Variants in ASB11 observed in about 807,000 individuals in gnomAD.
ASB11 encodes ankyrin repeat and SOCS box protein 11.
A neutral mutation model predicts 20.1 loss-of-function variants in ASB11; 17 were observed. That is an observed-to-expected ratio of 0.85 (90% CI 0.58 to 1.27). The LOEUF is 1.27. Among genes scored for constraint, ASB11 ranks in the 50% most tolerant of loss-of-function variants. The pLI, the probability that ASB11 is intolerant of heterozygous loss-of-function variation, is 0.00. For synonymous variants in ASB11, 107 were observed against 105.6 expected (o/e 1.01, Z -0.08); for missense variants, 259 against 256.9 (o/e 1.01, Z -0.06).
At chrX:15,308,897 G>GGTGA (rs976589798) in intron 1 of ASB11, among the ~76,000 whole-genome samples, 1 of 111,337 alleles carries the variant, frequency 9.0e-6, no homozygotes, top group Non-Finnish European at 1.9e-5. Flanking sequence ...GTGAGCAGCA[G>GGTGA]GTGAGCAAGT....
chrX:15,313,778 G>A lies in ASB11; in HGVS notation c.181+1647C>T, dbSNP rs957097092. On this transcript the variant is annotated intron_variant, in intron 1 of 6. Coordinates refer to ENST00000480796, the MANE Select transcript of ASB11 (RefSeq NM_080873.3). The stretch of plus-strand genomic sequence containing the variant: ...TTTAAGAGTGCACTTGAGGCCGGGC[G>A]CGGTGGCTCACGCCTGTAATCCCAG... Among the ~76,000 whole-genome samples the A allele has an allele frequency of 7.2e-5, 8 of 111,162 alleles. No homozygotes were observed. The South Asian group carries it at 1.5e-3, about 21-fold the overall frequency.
intron 4 of ASB11, 74 bp from the exon 5 acceptor site, chrX:15,289,712 C>G: frequency 9.1e-7 from 1 of 1,100,962 alleles, no homozygotes; most frequent in Non-Finnish European, 1.2e-6. Context: ...GATTGCTTAT[C>G]TGAAATGGGC....
intron 1 of ASB11, among the ~76,000 whole-genome samples, chrX:15,308,084 A>T (rs1043940198): frequency 1.8e-5 from 2 of 111,284 alleles, no homozygotes; most frequent in Admixed American, 9.5e-5. Flanking sequence ...GTGCCTTGGG[A>T]GTGGGGAGAA....
chrX:15,283,581 A>G lies in ASB11; in HGVS notation c.896T>C (p.Leu299Pro), dbSNP rs1315243224. 8.3e-7 allele frequency: 1 copy of G among 1,210,266 alleles called. No individual in the cohort carries two copies. The highest frequency in any genetic ancestry group is 2.3e-4 in the Middle Eastern group (1 of 4,351). ...GATGGCTTGATGACATGCTCGACCGAGACACTTCCGGACACACAGGCGGCA... is the reference window on the plus strand; with the variant it reads ...GATGGCTTGATGACATGCTCGACCGGGACACTTCCGGACACACAGGCGGCA... ...QLCRLCVRKC[L>P]GRACHQAIHK... The change falls in exon 7 of 7, where the codon CTC (leucine) becomes CCC (proline). Residue 299 changes from leucine (L) to proline (P), a missense_variant. Coordinates refer to ENST00000480796, the MANE Select transcript of ASB11 (RefSeq NM_080873.3).
rs201659261 is a variant in ASB11 at position 15,314,329 on chromosome X, C to CTTT, written c.181+1093_181+1095dup. ...AACTTGAAACTTATCAGAAGCATTA[C>CTTT]TTTTTTTTTTTTTTTTTGTAACTAG... On this transcript the variant is annotated intron_variant, in intron 1 of 6. Coordinates refer to ENST00000480796, the MANE Select transcript of ASB11 (RefSeq NM_080873.3). 7.3e-4 allele frequency: 703 copies of CTTT among 961,951 alleles called. 3 individuals are homozygous for CTTT. The African/African-American group carries it at 0.012, about 17-fold the overall frequency. The allele number at this position is 961,951 out of a possible 1,213,427, so 79.3% of individuals were successfully genotyped here. A position where few individuals can be genotyped will look rare whatever the true frequency, so the allele number is the denominator to read the frequency against.
chrX:15,304,198 G>T (rs1388018514), intron 1 of ASB11, among the ~76,000 whole-genome samples: 1 of 112,431 alleles, frequency 8.9e-6, no homozygotes, highest in Non-Finnish European at 1.9e-5. Context: ...AGCAAAAATG[G>T]AATTGTGTGA....
chrX:15,284,846 C>CA (rs1461582506), intron 6 of ASB11, among the ~76,000 whole-genome samples: 5 of 111,931 alleles, frequency 4.5e-5, no homozygotes, highest in African/African-American at 1.6e-4. Context: ...TTTTCCTTTT[C>CA]AAAAAAATCC....
intron 1 of ASB11, among the ~76,000 whole-genome samples, chrX:15,314,715 A>G (rs1921558304): frequency 9.2e-6 from 1 of 108,792 alleles, no homozygotes; most frequent in Non-Finnish European, 1.9e-5. Flanking sequence ...ATACTCCTCT[A>G]TTAAGTGACA....
rs561464890 is a variant in ASB11 at position 15,284,207 on chromosome X, G to A, written c.848-578C>T. ...GCGGAGCTTGCAGTGAGCCGAGATCGGGCCACTGCACTCCAGCCTGGGCGA... is the reference window on the plus strand; with the variant it reads ...GCGGAGCTTGCAGTGAGCCGAGATCAGGCCACTGCACTCCAGCCTGGGCGA... On this transcript the variant is annotated intron_variant, in intron 6 of 6. Transcript: ENST00000480796. Among the ~76,000 whole-genome samples the A allele has an allele frequency of 6.3e-3, 654 of 103,350 alleles. 2 individuals carry two copies. Among genetic ancestry groups the A allele is most frequent in the Non-Finnish European group, 9.2e-3 (465 of 50,673 alleles). The allele number at this position is 103,350 out of a possible 115,157, so 89.7% of individuals were successfully genotyped here.
chrX:15,313,975 C>T (rs766419156), intron 1 of ASB11, among the ~76,000 whole-genome samples: 26 of 103,191 alleles, frequency 2.5e-4, no homozygotes, highest in South Asian at 1.8e-3. Flanking sequence ...TTGCTTCAAC[C>T]GGGACCTGGG....
intron 6 of ASB11, among the ~76,000 whole-genome samples, chrX:15,284,078 C>T (rs1401565749): frequency 1.9e-5 from 2 of 105,734 alleles, no homozygotes; most frequent in Non-Finnish European, 3.9e-5. Context: ...CGGTGAAACC[C>T]CGTGTCCACT....
intron 1 of ASB11, among the ~76,000 whole-genome samples, chrX:15,309,763 C>T (rs1378189552): frequency 1.8e-5 from 2 of 108,583 alleles, no homozygotes; most frequent in Admixed American, 9.9e-5. Flanking sequence ...GTCAGGAGAT[C>T]GAGACCATCC....
At chrX:15,284,019 A>G (rs112443803) in intron 6 of ASB11, among the ~76,000 whole-genome samples, 2,667 of 109,749 alleles carry the variant, frequency 0.024, 56 homozygotes, top group African/African-American at 0.064. Flanking sequence ...TTGGGAGGCC[A>G]AGGTGGGCGG....
At chrX:15,295,584 G>A (rs188910762) in intron 3 of ASB11, among the ~76,000 whole-genome samples, 16,291 of 111,073 alleles carry the variant, frequency 0.15, 1,152 homozygotes, top group Non-Finnish European at 0.2. Context: ...CCAGAGGGAA[G>A]AACATGATAA....
At chrX:15,312,425 A>AAAAC (rs1921461315) in intron 1 of ASB11, among the ~76,000 whole-genome samples, 2 of 105,866 alleles carry the variant, frequency 1.9e-5, no homozygotes, top group Non-Finnish European at 3.9e-5. Context: ...CACAAAAAAA[A>AAAAC]AAAAAAAAAA....
chrX:15,309,383 G>C (rs1283092071), intron 1 of ASB11, among the ~76,000 whole-genome samples: 1 of 107,625 alleles, frequency 9.3e-6, no homozygotes, highest in Admixed American at 1.0e-4. Flanking sequence ...ATCTGTCACT[G>C]TCTCCCATCA....
chrX:15,303,044 T>C (rs1383940668), intron 1 of ASB11, among the ~76,000 whole-genome samples: 1 of 111,700 alleles, frequency 9.0e-6, no homozygotes, highest in Non-Finnish European at 1.9e-5. Flanking sequence ...CTCTCTGGCT[T>C]TTGGGAGGCA....
chrX:15,287,873 T>A lies in ASB11; in HGVS notation c.847+8A>T. On this transcript the variant is annotated splice_region_variant and intron_variant, in intron 6 of 6. Coordinates refer to ENST00000480796, the MANE Select transcript of ASB11 (RefSeq NM_080873.3). ...TGGAAGAGGAATGGATACCCAGCCC[T>A]TGGTTACCTTCACGGAGCAAGAGTG... 2 of 1,194,801 alleles carry A rather than the reference T, an allele frequency of 1.7e-6. No individual in the cohort carries two copies. Among genetic ancestry groups the A allele is most frequent in the Admixed American group, 2.2e-5 (1 of 44,872 alleles).
chrX:15,286,948 T>A (rs777450735), intron 6 of ASB11, among the ~76,000 whole-genome samples: 1 of 111,964 alleles, frequency 8.9e-6, no homozygotes, highest in East Asian at 2.8e-4. Context: ...ATAATCAATA[T>A]AGGCTCCGAA....
Sources: gnomAD v4.1 joint callset for allele counts (sites outside exome capture counted in the v4.1 genomes callset) on GRCh38, gnomAD v4.1.1 for gene constraint, MANE v1.5 for transcripts, NCBI Gene and HGNC (gene_info 2026-07-23, HGNC 2026-07-21) for gene names.